Variants in CDH18 observed in about 807,000 individuals in gnomAD.
CDH18 encodes cadherin 18, also known as cadherin-18.
CDH18 carries 31 observed loss-of-function variants against 67.9 expected under a neutral mutation model. The ratio of observed to expected loss-of-function variants is 0.46; its 90% CI spans 0.34 to 0.62. The LOEUF is 0.62. Among genes scored for constraint, CDH18 ranks in the 20% least tolerant of loss-of-function variants. The probability of loss-of-function intolerance (pLI) is 0.01; values close to 1 mark genes in which losing one functional copy is unlikely to be tolerated. For synonymous variants in CDH18, 362 were observed against 347.2 expected (o/e 1.04, Z -0.48); for missense variants, 890 against 975.5 (o/e 0.91, Z 1.17).
intron 5 of CDH18, among the ~76,000 whole-genome samples, chr5:19,620,059 GC>G (rs1750452353): frequency 6.6e-6 from 1 of 152,094 alleles, no homozygotes; most frequent in East Asian, 1.9e-4. Flanking sequence ...TAAAACACAA[GC>G]TACTTAGCTG....
intron 1 of CDH18, among the ~76,000 whole-genome samples, chr5:20,290,743 A>G (rs1463413538): frequency 1.3e-5 from 2 of 152,172 alleles, no homozygotes; most frequent in East Asian, 3.9e-4. Context: ...TCATTTGGAA[A>G]ACAGAATAGT....
chr5:19,908,875 T>C (rs973117514), intron 2 of CDH18, among the ~76,000 whole-genome samples: 2 of 152,180 alleles, frequency 1.3e-5, no homozygotes, highest in Admixed American at 1.3e-4. Context: ...AATAAAAATA[T>C]TAATGTCTGT....
intron 2 of CDH18, among the ~76,000 whole-genome samples, chr5:19,864,350 G>A (rs1452845537): frequency 6.9e-6 from 1 of 145,952 alleles, no homozygotes; most frequent in East Asian, 2.1e-4. Flanking sequence ...GACACAGGAA[G>A]GGGAACATCA....
At chr5:19,642,757 G>T (rs1195724239) in intron 5 of CDH18, among the ~76,000 whole-genome samples, 1 of 151,920 alleles carries the variant, frequency 6.6e-6, no homozygotes, top group South Asian at 2.1e-4. Flanking sequence ...CTTGCTATTT[G>T]TCCAGGCAAT....
intron 2 of CDH18, among the ~76,000 whole-genome samples, chr5:19,847,426 G>C (rs1260114683): frequency 6.6e-6 from 1 of 151,910 alleles, no homozygotes; most frequent in Non-Finnish European, 1.5e-5. Context: ...CAGTTTAGTT[G>C]TATTATTCAG....
chr5:20,117,795 G>A (rs539029099), intron 2 of CDH18, among the ~76,000 whole-genome samples: 1 of 152,288 alleles, frequency 6.6e-6, no homozygotes, highest in African/African-American at 2.4e-5. Flanking sequence ...GGCACTTAAT[G>A]AAAACACTGA....
Position 20,376,831 on chromosome 5 carries a change from A to G in CDH18, c.-579-121326T>C, listed in dbSNP as rs150540429. Among the ~76,000 whole-genome samples, 33 of 152,132 alleles carry G rather than the reference A, an allele frequency of 2.2e-4. 1 individual carries two copies. The East Asian group carries it at 5.8e-3, about 27-fold the overall frequency. On this transcript the variant is annotated intron_variant, in intron 1 of 14. Coordinates refer to the CDH18 transcript ENST00000507958. ...CAGGAATTTGAGACCATCCTGGCCA[A>G]CATGGTGAAACCCCATCTCTACTAA... is the stretch of plus-strand genomic sequence containing the variant.
At chr5:19,935,951 T>C (rs1364180242) in intron 2 of CDH18, among the ~76,000 whole-genome samples, 2 of 151,130 alleles carry the variant, frequency 1.3e-5, no homozygotes, top group East Asian at 1.9e-4. Flanking sequence ...TTCCAGACTG[T>C]ATGATTGAAA....
At chr5:19,531,690 G>A (rs1036569066) in intron 9 of CDH18, among the ~76,000 whole-genome samples, 2 of 152,070 alleles carry the variant, frequency 1.3e-5, no homozygotes, top group African/African-American at 4.8e-5. Flanking sequence ...CCAGCACTTA[G>A]GGAGGCTGGC....
At chr5:19,524,903 G>A (rs1169417011) in intron 9 of CDH18, among the ~76,000 whole-genome samples, 12 of 151,980 alleles carry the variant, frequency 7.9e-5, no homozygotes, top group Admixed American at 7.9e-4. Flanking sequence ...CCGCCACCAC[G>A]CCCGGCTAAT....
chr5:20,216,280 C>G (rs1461526684), intron 2 of CDH18, among the ~76,000 whole-genome samples: 1 of 151,772 alleles, frequency 6.6e-6, no homozygotes, highest in Admixed American at 6.6e-5. Context: ...AAAATGGCAC[C>G]AAAAGACTTG....
chr5:20,557,867 T>C (rs986576054), intron 1 of CDH18, among the ~76,000 whole-genome samples: 2 of 109,446 alleles, frequency 1.8e-5, no homozygotes, highest in Non-Finnish European at 3.8e-5. Context: ...TTTAATGTTA[T>C]AGTTATATAA....
chr5:20,384,553 G>A (rs1293558554), intron 1 of CDH18, among the ~76,000 whole-genome samples: 2 of 152,120 alleles, frequency 1.3e-5, no homozygotes, highest in Non-Finnish European at 2.9e-5. Flanking sequence ...ACATGGAAGT[G>A]CAAATACCTC....
chr5:19,690,059 T>C (rs945985543), intron 5 of CDH18, among the ~76,000 whole-genome samples: 5 of 148,522 alleles, frequency 3.4e-5, no homozygotes, highest in Admixed American at 6.8e-5. Flanking sequence ...TATATATGTG[T>C]GTATATATTA....
At chr5:20,182,352 C>A (rs779286564) in intron 2 of CDH18, among the ~76,000 whole-genome samples, 3 of 151,830 alleles carry the variant, frequency 2.0e-5, no homozygotes, top group Admixed American at 6.6e-5. Flanking sequence ...CCTACAATTG[C>A]AGAACTTTGG....
At chr5:19,516,138 T>G (rs1280529444) in intron 10 of CDH18, among the ~76,000 whole-genome samples, 2 of 152,210 alleles carry the variant, frequency 1.3e-5, no homozygotes, top group African/African-American at 4.8e-5. Flanking sequence ...TATGTTTATG[T>G]GATGGATTAC....
chr5:19,686,992 T>G (rs1761185673), intron 5 of CDH18, among the ~76,000 whole-genome samples: 1 of 152,150 alleles, frequency 6.6e-6, no homozygotes, highest in African/African-American at 2.4e-5. Flanking sequence ...ATGATCACTT[T>G]AAGTAGAGTA....
chr5:19,607,903 T>C (rs1748321542), intron 6 of CDH18, among the ~76,000 whole-genome samples: 2 of 151,680 alleles, frequency 1.3e-5, no homozygotes, highest in Non-Finnish European at 3.0e-5. Flanking sequence ...GGAGTATTAT[T>C]AGAACTATAG....
intron 1 of CDH18, among the ~76,000 whole-genome samples, chr5:20,306,925 C>T (rs1158574319): frequency 2.0e-5 from 3 of 150,160 alleles, no homozygotes; most frequent in African/African-American, 7.3e-5. Flanking sequence ...AAATAATTCT[C>T]AATGAATTTA....
Sources: gnomAD v4.1 joint callset for allele counts (sites outside exome capture counted in the v4.1 genomes callset) on GRCh38, gnomAD v4.1.1 for gene constraint, MANE v1.5 for transcripts, NCBI Gene and HGNC (gene_info 2026-07-23, HGNC 2026-07-21) for gene names.